Variants in RAPGEF4 observed in about 807,000 individuals in gnomAD.
RAPGEF4 encodes RAP guanine-nucleotide-exchange factor (GEF) 4.
RAPGEF4 carries 66 observed loss-of-function variants against 147.9 expected under a neutral mutation model. The observed-to-expected ratio is 0.45, with a 90% CI of 0.37 to 0.55. RAPGEF4 has a LOEUF of 0.55. Among genes scored for constraint, RAPGEF4 ranks in the 20% least tolerant of loss-of-function variants. RAPGEF4 has a pLI of 0.00. For missense variants in RAPGEF4, 1,071 were observed against 1,257.3 expected (o/e 0.85, Z 2.24); for synonymous variants, 419 against 442.7 (o/e 0.95, Z 0.67).
At position 172,963,883 on chromosome 2, in the gene RAPGEF4, G is replaced by C. The variant is rs192977380; in HGVS notation, c.699-1679G>C. Among the ~76,000 whole-genome samples, 56 of 152,232 alleles carry C rather than the reference G, an allele frequency of 3.7e-4. 1 individual carries two copies. In the East Asian group the frequency reaches 7.9e-3, roughly 21 times the overall value. ...TCTGCTGTCAATTCTAAATCGTCTA[G>C]GGATCATTAATGGAAAGGATACCTG... On this transcript the variant is annotated intron_variant, in intron 8 of 30. Transcript: ENST00000397081.
At chr2:172,809,464 A>T (rs917610705) in intron 3 of RAPGEF4, among the ~76,000 whole-genome samples, 3 of 152,188 alleles carry the variant, frequency 2.0e-5, no homozygotes, top group Admixed American at 2.0e-4. Flanking sequence ...AGTTTCTCCA[A>T]CCAGGGTCAG....
At chr2:173,016,267 G>T in intron 18 of RAPGEF4, 82 bp from the exon 19 acceptor site, 1 of 935,396 alleles carries the variant, frequency 1.1e-6, no homozygotes. Context: ...AGATGACATA[G>T]GGACACATCT....
chr2:172,854,865 A>G (rs866031618), intron 4 of RAPGEF4, among the ~76,000 whole-genome samples: 1 of 152,204 alleles, frequency 6.6e-6, no homozygotes, highest in South Asian at 2.1e-4. Context: ...AGAGCCTCAG[A>G]CTGCAGCACA....
chr2:172,762,883 A>G (rs927933709), intron 1 of RAPGEF4, among the ~76,000 whole-genome samples: 28 of 152,192 alleles, frequency 1.8e-4, no homozygotes, highest in African/African-American at 5.5e-4. Context: ...CTCTGCTCTG[A>G]GTGACTGTGG....
intron 1 of RAPGEF4, among the ~76,000 whole-genome samples, chr2:172,779,300 G>A (rs1684466545): frequency 6.6e-6 from 1 of 152,192 alleles, no homozygotes; most frequent in Non-Finnish European, 1.5e-5. Flanking sequence ...GGGTAAGGGT[G>A]CTGTTGAGAG....
chr2:172,791,272 T>C (rs1685797508), intron 1 of RAPGEF4, among the ~76,000 whole-genome samples: 1 of 152,150 alleles, frequency 6.6e-6, no homozygotes, highest in Admixed American at 6.5e-5. Flanking sequence ...GTGAGTCTAC[T>C]CCATGCATGG....
chr2:173,031,113 G>A (rs16861216), intron 26 of RAPGEF4, among the ~76,000 whole-genome samples: 11,137 of 152,194 alleles, frequency 0.073, 575 homozygotes, highest in South Asian at 0.12. Flanking sequence ...ATCTCTAAAT[G>A]CTTTTCTGAA....
In RAPGEF4 at chr2:173,028,115, A is replaced by G. The variant is rs76656408; in HGVS notation, c.2558+856A>G. ...AAGTAAAGGCTGCTTGACATTTTAT[A>G]GATATCAGTTTGCCAGATGCCTGGA... On this transcript the variant is annotated intron_variant, in intron 25 of 30. Transcript: ENST00000397081. 5.6e-3 allele frequency among the ~76,000 whole-genome samples: 847 copies of G among 152,362 alleles called. 4 individuals carry two copies. Among genetic ancestry groups the G allele is most frequent in the African/African-American group, 0.016 (656 of 41,588 alleles).
chr2:172,895,263 A>C (rs142800778), intron 4 of RAPGEF4, among the ~76,000 whole-genome samples: 29 of 152,302 alleles, frequency 1.9e-4, no homozygotes, highest in Admixed American at 1.1e-3. Context: ...TTTGAAAGGC[A>C]TGTGGCATCC....
At chr2:172,842,189 T>C (rs959555780) in intron 4 of RAPGEF4, among the ~76,000 whole-genome samples, 1 of 152,146 alleles carries the variant, frequency 6.6e-6, no homozygotes, top group South Asian at 2.1e-4. Flanking sequence ...GAGGGCACAA[T>C]GATATTAATA....
intron 3 of RAPGEF4, among the ~76,000 whole-genome samples, chr2:172,801,943 G>A (rs978479433): frequency 2.0e-5 from 3 of 152,160 alleles, no homozygotes; most frequent in Non-Finnish European, 2.9e-5. Flanking sequence ...TTGATCTGGC[G>A]ATGCACAGTG....
intron 4 of RAPGEF4, among the ~76,000 whole-genome samples, chr2:172,889,493 A>G (rs1697641270): frequency 6.6e-6 from 1 of 152,132 alleles, no homozygotes; most frequent in South Asian, 2.1e-4. Flanking sequence ...TGCATTTAGG[A>G]TGGTGTCCAA....
At chr2:172,875,585 C>G (rs1695818086) in intron 4 of RAPGEF4, among the ~76,000 whole-genome samples, 1 of 152,110 alleles carries the variant, frequency 6.6e-6, no homozygotes, top group Non-Finnish European at 1.5e-5. Context: ...TCGGAGGGCT[C>G]TGTTCTGTTC....
intron 4 of RAPGEF4, among the ~76,000 whole-genome samples, chr2:172,823,711 C>T (rs1246785777): frequency 6.6e-6 from 1 of 152,154 alleles, no homozygotes; most frequent in Non-Finnish European, 1.5e-5. Flanking sequence ...TCACTAAGTT[C>T]GCTTCTCCAA....
At chr2:172,950,271 A>G (rs988053439) in intron 6 of RAPGEF4, among the ~76,000 whole-genome samples, 2 of 152,114 alleles carry the variant, frequency 1.3e-5, no homozygotes, top group African/African-American at 4.8e-5. Flanking sequence ...CTGGGGTCCA[A>G]TGTGTGCACT....
At chr2:172,833,883 A>C (rs1218414109) in intron 4 of RAPGEF4, among the ~76,000 whole-genome samples, 1 of 152,190 alleles carries the variant, frequency 6.6e-6, no homozygotes, top group Admixed American at 6.5e-5. Flanking sequence ...TCACTATTGA[A>C]GCAAAACTTT....
chr2:172,799,829 G>A (rs1686791131), intron 3 of RAPGEF4, among the ~76,000 whole-genome samples: 1 of 152,194 alleles, frequency 6.6e-6, no homozygotes, highest in Non-Finnish European at 1.5e-5. Context: ...CTAAGGGGAT[G>A]ATACATAACA....
chr2:172,783,150 T>A (rs762950946), intron 1 of RAPGEF4, among the ~76,000 whole-genome samples: 26 of 152,228 alleles, frequency 1.7e-4, no homozygotes, highest in Non-Finnish European at 3.4e-4. Context: ...CTCTGCCTAA[T>A]GATGGGGTTT....
chr2:172,948,133 T>C (rs1361778074), intron 6 of RAPGEF4, among the ~76,000 whole-genome samples: 1 of 152,352 alleles, frequency 6.6e-6, no homozygotes, highest in East Asian at 1.9e-4. Context: ...TCTCATTCCA[T>C]TATGGGACTA....
Sources: gnomAD v4.1 joint callset for allele counts (sites outside exome capture counted in the v4.1 genomes callset) on GRCh38, gnomAD v4.1.1 for gene constraint, MANE v1.5 for transcripts, NCBI Gene and HGNC (gene_info 2026-07-23, HGNC 2026-07-21) for gene names.